The following EGFR variants were observed in gnomAD, a reference collection of about 807,000 sequenced individuals.
EGFR encodes epidermal growth factor receptor.
EGFR carries 58 observed loss-of-function variants against 143.0 expected under a neutral mutation model. That is an observed-to-expected ratio of 0.41 (90% confidence interval 0.33 to 0.50). EGFR has a LOEUF of 0.50. EGFR is among the 20% of genes least tolerant of loss of function. The pLI, the probability that EGFR is intolerant of heterozygous loss-of-function variation, is 0.39. For missense variants in EGFR, 1,307 were observed against 1,579.0 expected (o/e 0.83, Z 2.92); for synonymous variants, 613 against 594.4 (o/e 1.03, Z -0.45).
At chr7:55,056,966 G>A (rs1788862387) in intron 1 of EGFR, among the ~76,000 whole-genome samples, 1 of 152,254 alleles carries the variant, frequency 6.6e-6, no homozygotes, top group African/African-American at 2.4e-5. Context: ...CTTGTAAGGT[G>A]GAGTGCAGCC....
chr7:55,107,779 C>T (rs1355519693), intron 1 of EGFR, among the ~76,000 whole-genome samples: 2 of 152,226 alleles, frequency 1.3e-5, no homozygotes, highest in Admixed American at 1.3e-4. Flanking sequence ...AGAGTTTGCC[C>T]ACTCTGCATT....
chr7:55,178,293 A>G (rs1333657164), intron 19 of EGFR, among the ~76,000 whole-genome samples: 1 of 152,198 alleles, frequency 6.6e-6, no homozygotes, highest in African/African-American at 2.4e-5. Flanking sequence ...CTTTCTGGCA[A>G]TCCCATGGCG....
intron 1 of EGFR, among the ~76,000 whole-genome samples, chr7:55,025,897 G>A (rs1333596369): frequency 6.6e-6 from 1 of 152,158 alleles, no homozygotes; most frequent in Non-Finnish European, 1.5e-5. Context: ...GCAAATACTC[G>A]GAATGGGGAT....
intron 1 of EGFR, among the ~76,000 whole-genome samples, chr7:55,079,041 C>A (rs1487931306): frequency 2.0e-5 from 3 of 152,242 alleles, no homozygotes; most frequent in Non-Finnish European, 4.4e-5. Flanking sequence ...CTCGTCCATT[C>A]CTCTCCCGTG....
intron 1 of EGFR, among the ~76,000 whole-genome samples, chr7:55,061,611 G>GAT: frequency 9.2e-5 from 6 of 65,026 alleles, no homozygotes; most frequent in African/African-American, 3.4e-4. Context: ...GGTCTCCAGG[G>GAT]ATGTGTGTGT....
At chr7:55,180,219 T>C (rs1042261776) in intron 19 of EGFR, 7 of 152,266 alleles carry the variant, frequency 4.6e-5, no homozygotes, top group Non-Finnish European at 8.8e-5. Flanking sequence ...CTGTGGATGC[T>C]TTCTGCTACA....
At chr7:55,204,322 CAT>C (rs1265002173) in intron 27 of EGFR, among the ~76,000 whole-genome samples, 51 of 145,068 alleles carry the variant, frequency 3.5e-4, no homozygotes, top group African/African-American at 1.1e-3. Context: ...CACACACACA[CAT>C]ACACACCACA....
At position 55,200,006 on chromosome 7, in the gene EGFR, A is replaced by C. The variant is rs17290664; in HGVS notation, c.2849-310A>C. On this transcript the variant is annotated intron_variant, in intron 23 of 27. Transcript: ENST00000275493. ...CCTGCAGTCAGGATAGTTCATGGAG[A>C]GCAATTGTACAGACCCACACTGCTC... is the stretch of plus-strand genomic sequence containing the variant. Among the ~76,000 whole-genome samples the C allele has an allele frequency of 4.2e-3, 642 of 152,320 alleles. 5 individuals are homozygous for C. The highest frequency in any genetic ancestry group is 0.015 in the African/African-American group (620 of 41,564).
chr7:55,170,453 C>G (rs770861870), intron 15 of EGFR: 1 of 1,614,118 alleles, frequency 6.2e-7, no homozygotes, highest in African/African-American at 1.3e-5. Flanking sequence ...TCTCTTCTGC[C>G]GTCAGAGTTT....
At chr7:55,181,586 G>GTGCA in intron 20 of EGFR, 108 bp downstream of exon 20, 2 of 1,270,284 alleles carry the variant, frequency 1.6e-6, no homozygotes, top group Non-Finnish European at 2.3e-6. Context: ...ATGTGTGTGC[G>GTGCA]TGCATGCAGC....
intron 1 of EGFR, among the ~76,000 whole-genome samples, chr7:55,126,006 C>T (rs932523472): frequency 6.6e-6 from 1 of 152,192 alleles, no homozygotes; most frequent in South Asian, 2.1e-4. Flanking sequence ...AGCCAGGCAG[C>T]CTTTCACAGT....
At chr7:55,105,886 A>C (rs1792096651) in intron 1 of EGFR, among the ~76,000 whole-genome samples, 1 of 152,266 alleles carries the variant, frequency 6.6e-6, no homozygotes, top group Non-Finnish European at 1.5e-5. Context: ...TCTATTTGAT[A>C]AGCTTTTAGA....
chr7:55,204,360 A>G (rs1270116763), intron 27 of EGFR, among the ~76,000 whole-genome samples: 5 of 149,582 alleles, frequency 3.3e-5, no homozygotes, highest in Middle Eastern at 3.2e-3. Context: ...ACACATACAC[A>G]CCAACACCAC....
chr7:55,065,644 T>C (rs946598655), intron 1 of EGFR, among the ~76,000 whole-genome samples: 5 of 152,290 alleles, frequency 3.3e-5, no homozygotes, highest in African/African-American at 1.2e-4. Context: ...ATGTTAGCTA[T>C]GGCTGTGAAT....
At chr7:55,185,693 A>G (rs961151764) in intron 20 of EGFR, among the ~76,000 whole-genome samples, 2 of 152,240 alleles carry the variant, frequency 1.3e-5, no homozygotes, top group Non-Finnish European at 2.9e-5. Flanking sequence ...ACAGCAAACA[A>G]TATCAGTTTA....
At chr7:55,084,926 C>T (rs1054524054) in intron 1 of EGFR, among the ~76,000 whole-genome samples, 1 of 152,114 alleles carries the variant, frequency 6.6e-6, no homozygotes, top group East Asian at 1.9e-4. Flanking sequence ...GCAGTACAGC[C>T]CCATCCGTGA....
intron 20 of EGFR, among the ~76,000 whole-genome samples, chr7:55,183,568 T>A (rs969159453): frequency 6.6e-6 from 1 of 152,162 alleles, no homozygotes; most frequent in South Asian, 2.1e-4. Context: ...GGGGCAGATG[T>A]TGCTGGGTGT....
chr7:55,038,890 T>C (rs1056660555), intron 1 of EGFR, among the ~76,000 whole-genome samples: 2 of 151,812 alleles, frequency 1.3e-5, no homozygotes, highest in Admixed American at 1.3e-4. Flanking sequence ...TGCCGGCAGG[T>C]GCTCTGGTTC....
At chr7:55,204,568 T>TACACACCACAC (rs1415193853) in intron 27 of EGFR, among the ~76,000 whole-genome samples, 3 of 94,446 alleles carry the variant, frequency 3.2e-5, no homozygotes, top group Non-Finnish European at 6.3e-5. Context: ...ACCACACACA[T>TACACACCACAC]ACACACCACA....
Sources: gnomAD v4.1 joint callset for allele counts (sites outside exome capture counted in the v4.1 genomes callset) on GRCh38, gnomAD v4.1.1 for gene constraint, MANE v1.5 for transcripts, NCBI Gene and HGNC (gene_info 2026-07-23, HGNC 2026-07-21) for gene names.